The following TENM2 variants were observed in gnomAD, a reference collection of about 807,000 sequenced individuals.
TENM2 encodes the protein teneurin-2.
A neutral mutation model predicts 245.2 loss-of-function variants in TENM2; 52 were observed. The ratio of observed to expected loss-of-function variants is 0.21; its 90% CI spans 0.17 to 0.27. The LOEUF (loss-of-function observed/expected upper bound fraction) is 0.27. Ranked by LOEUF, TENM2 falls within the 10% of genes least tolerant of loss-of-function variation. The pLI is 1.00. For missense variants in TENM2, 3,046 were observed against 3,666.8 expected, an observed-to-expected ratio of 0.83 and a Z score of 4.37; for synonymous variants, 1,363 against 1,438.9, an observed-to-expected ratio of 0.95 and a Z score of 1.19.
intron 5 of TENM2, among the ~76,000 whole-genome samples, chr5:168,010,144 C>T (rs1339240662): frequency 6.6e-6 from 1 of 152,176 alleles, no homozygotes; most frequent in Non-Finnish European, 1.5e-5. Flanking sequence ...GTTCAACATA[C>T]ATATGGGGAG....
At chr5:167,640,894 T>C (rs1285935898) in intron 2 of TENM2, among the ~76,000 whole-genome samples, 1 of 108,406 alleles carries the variant, frequency 9.2e-6, no homozygotes, top group African/African-American at 3.5e-5. Context: ...TATATATATA[T>C]ATATATATAT....
chr5:167,991,054 C>T (rs539049238), intron 4 of TENM2, among the ~76,000 whole-genome samples: 4 of 152,302 alleles, frequency 2.6e-5, no homozygotes, highest in African/African-American at 9.6e-5. Context: ...CGCTTGCCAA[C>T]TCCCAGCGTC....
At chr5:168,164,792 T>G (rs1758070806) in intron 13 of TENM2, among the ~76,000 whole-genome samples, 1 of 152,186 alleles carries the variant, frequency 6.6e-6, no homozygotes, top group Non-Finnish European at 1.5e-5. Context: ...AGAGGTTGTT[T>G]CAGAGTGTAG....
At chr5:168,036,686 T>TAC in intron 5 of TENM2, among the ~76,000 whole-genome samples, 1 of 118,890 alleles carries the variant, frequency 8.4e-6, no homozygotes, top group Non-Finnish European at 1.6e-5. Context: ...TGTATATATA[T>TAC]ATATATATAT....
At chr5:168,190,598 G>T in intron 14 of TENM2, 51 bp downstream of exon 16, 1 of 1,535,928 alleles carries the variant, frequency 6.5e-7, no homozygotes, top group South Asian at 1.2e-5. Flanking sequence ...TTTTCTTCCT[G>T]TTGGAGCCAG....
At chr5:168,050,042 A>G (rs986437434) in intron 6 of TENM2, among the ~76,000 whole-genome samples, 5 of 152,102 alleles carry the variant, frequency 3.3e-5, no homozygotes, top group African/African-American at 7.2e-5. Flanking sequence ...AGCTCAGGCA[A>G]TCCTCCCATC....
At chr5:168,128,963 GA>G (rs35686967) in intron 12 of TENM2, 83,355 of 141,846 alleles carry the variant, frequency 0.59, 24,312 homozygotes, top group East Asian at 0.96. Context: ...CCCGTTATGG[GA>G]AAAAAAAAAA....
intron 2 of TENM2, among the ~76,000 whole-genome samples, chr5:167,822,816 G>A (rs1354074874): frequency 1.3e-5 from 2 of 152,168 alleles, no homozygotes; most frequent in Admixed American, 6.6e-5. Context: ...TAGGCAAATC[G>A]ATTAACATTT....
chr5:167,682,120 C>G (rs141512220), intron 2 of TENM2, among the ~76,000 whole-genome samples: 43,410 of 121,098 alleles, frequency 0.36, 9,227 homozygotes, highest in East Asian at 0.89. Flanking sequence ...CTCCCTCCCT[C>G]CCTCCCTGCC....
At chr5:167,729,369 G>A (rs552166364) in intron 2 of TENM2, among the ~76,000 whole-genome samples, 2 of 152,290 alleles carry the variant, frequency 1.3e-5, no homozygotes, top group East Asian at 3.9e-4. Flanking sequence ...TCCTTCCTGT[G>A]TTAGTAACTG....
intron 1 of TENM2, among the ~76,000 whole-genome samples, chr5:167,318,991 G>C (rs2127767372): frequency 6.6e-6 from 1 of 152,308 alleles, no homozygotes; most frequent in South Asian, 2.1e-4. Context: ...GCCTTGCAAA[G>C]GCAACTTGTC....
the TENM2 span, among the ~76,000 whole-genome samples, chr5:167,158,913 CCT>C: frequency 1.9e-4 from 20 of 105,314 alleles, no homozygotes; most frequent in Admixed American, 3.9e-4. Context: ...CCTTCCTCTT[CCT>C]CTCTCTCTCT....
At chr5:167,208,101 A>C in the TENM2 span, among the ~76,000 whole-genome samples, 1 of 152,206 alleles carries the variant, frequency 6.6e-6, no homozygotes, top group Admixed American at 6.5e-5. Flanking sequence ...TTAATAAAGA[A>C]TTGACATCCT....
chr5:167,844,172 T>G (rs1769817902), intron 2 of TENM2, among the ~76,000 whole-genome samples: 1 of 152,214 alleles, frequency 6.6e-6, no homozygotes, highest in Non-Finnish European at 1.5e-5. Context: ...AATGTAAATG[T>G]AAAAGATACA....
At chr5:168,066,860 A>T (rs751707154) in intron 7 of TENM2, among the ~76,000 whole-genome samples, 1 of 152,218 alleles carries the variant, frequency 6.6e-6, no homozygotes, top group Admixed American at 6.5e-5. Flanking sequence ...AGACAGAAGA[A>T]AAAGAATAAT....
intron 2 of TENM2, among the ~76,000 whole-genome samples, chr5:167,816,058 G>T (rs1328202980): frequency 6.6e-6 from 1 of 152,014 alleles, no homozygotes; most frequent in South Asian, 2.1e-4. Flanking sequence ...TTGCCCTGGA[G>T]AGTGGTTGCT....
chr5:168,231,785 A>G (rs1764943898), intron 25 of TENM2, among the ~76,000 whole-genome samples: 2 of 152,106 alleles, frequency 1.3e-5, no homozygotes, highest in African/African-American at 2.4e-5. Flanking sequence ...ACAACCAAAA[A>G]AAAAAAAAAA....
the TENM2 span, among the ~76,000 whole-genome samples, chr5:167,071,947 G>C: frequency 7.8e-6 from 1 of 127,866 alleles, no homozygotes; most frequent in South Asian, 2.5e-4. Flanking sequence ...TTTTATTCCA[G>C]ATTGCCAGGT....
intron 7 of TENM2, among the ~76,000 whole-genome samples, chr5:168,073,787 A>T (rs1791230513): frequency 6.6e-6 from 1 of 152,226 alleles, no homozygotes; most frequent in Admixed American, 6.5e-5. Flanking sequence ...CAGAAATTTC[A>T]TGTGAGAAGG....
Sources: gnomAD v4.1 joint callset for allele counts (sites outside exome capture counted in the v4.1 genomes callset) on GRCh38, gnomAD v4.1.1 for gene constraint, MANE v1.5 for transcripts, NCBI Gene and HGNC (gene_info 2026-07-23, HGNC 2026-07-21) for gene names.